Variants in SDS observed in about 807,000 individuals in gnomAD.
The protein encoded by SDS is L-serine dehydratase/L-threonine deaminase.
Under a neutral mutation model 29.3 loss-of-function variants are expected in SDS, and 19 were observed. That is an observed-to-expected ratio of 0.65 (90% CI 0.45 to 0.95). The LOEUF (loss-of-function observed/expected upper bound fraction) is 0.95. Among genes scored for constraint, SDS ranks in the 40% least tolerant of loss-of-function variants. SDS has a pLI of 0.00. For synonymous variants in SDS, 176 were observed against 189.0 expected, an observed-to-expected ratio of 0.93 and a Z score of 0.56; for missense variants, 375 against 439.9, an observed-to-expected ratio of 0.85 and a Z score of 1.32.
In SDS at chr12:113,394,066, A is replaced by T. The variant is rs201592901; in HGVS notation, c.654-50T>A. 2.4e-4 allele frequency: 384 copies of T among 1,588,494 alleles called. 1 individual carries two copies. In the African/African-American group the frequency reaches 4.9e-3, roughly 20 times the overall value. ...AGGATGGGAGTGGGGGAAACAGGAG[A>T]GAGATGGGGGCAGGGAGGGAGAGAA... On this transcript the variant is annotated intron_variant, in intron 6 of 7. Transcript: ENST00000257549.
chr12:113,402,558 G>A (rs1048278840), intron 1 of SDS, among the ~76,000 whole-genome samples: 1 of 152,208 alleles, frequency 6.6e-6, no homozygotes, highest in Non-Finnish European at 1.5e-5. Context: ...CTCCCAAAGT[G>A]CTGGGATTAC....
Position 113,397,597 on chromosome 12 carries a change from G to T in SDS, c.426-205C>A, listed in dbSNP as rs564503866. Among the ~76,000 whole-genome samples, 3 of 152,292 alleles carry T rather than the reference G, an allele frequency of 2.0e-5. No individual in the cohort carries two copies. The South Asian group carries it at 6.2e-4, about 32-fold the overall frequency. ...GAGCTACCTGCAAACAGAGTCAGGA[G>T]ATGGCAGCCCCTTAAGGCAGCCCTC... On this transcript the variant is annotated intron_variant, in intron 5 of 7. Coordinates refer to ENST00000257549, the MANE Select transcript of SDS (RefSeq NM_006843.3).
intron 7 of SDS, among the ~76,000 whole-genome samples, chr12:113,393,378 T>C (rs1453130036): frequency 6.6e-6 from 1 of 152,268 alleles, no homozygotes; most frequent in East Asian, 1.9e-4. Flanking sequence ...ATGAGTGTGG[T>C]TGCGTGAGCA....
intron 2 of SDS, 87 bp downstream of exon 2, chr12:113,399,469 C>T: frequency 7.1e-7 from 1 of 1,400,308 alleles, no homozygotes. Flanking sequence ...CCTACAACGC[C>T]TTTAATTTCA....
chr12:113,396,457 CTCTTTCTCCTTTTT>C, intron 6 of SDS, among the ~76,000 whole-genome samples: 1 of 143,136 alleles, frequency 7.0e-6, no homozygotes, highest in South Asian at 2.2e-4. Context: ...TTCTCTCTTT[CTCTTTCTCCTTTTT>C]TCTTTCTTTC....
intron 3 of SDS, 49 bp downstream of exon 3, chr12:113,399,063 G>C: frequency 1.2e-6 from 2 of 1,604,260 alleles, no homozygotes; most frequent in Non-Finnish European, 1.7e-6. Context: ...CAGAGTGTCT[G>C]ATCCCAGGAC....
chr12:113,397,858 C>A (rs1025991903), intron 5 of SDS, among the ~76,000 whole-genome samples: 2 of 152,172 alleles, frequency 1.3e-5, no homozygotes, highest in Non-Finnish European at 2.9e-5. Flanking sequence ...CCCACTCCCC[C>A]ACTGAATCAC....
chr12:113,401,223 C>A (rs1479843570), intron 1 of SDS, among the ~76,000 whole-genome samples: 1 of 151,982 alleles, frequency 6.6e-6, no homozygotes, highest in Admixed American at 6.6e-5. Context: ...AAATGCCTGA[C>A]TCATAGTAGA....
At position 113,398,734 on chromosome 12, in the gene SDS, T is replaced by C; in HGVS notation, c.306A>G (p.Glu102=). 1 of 1,614,226 alleles carries C rather than the reference T, an allele frequency of 6.2e-7. No homozygotes were observed. Among genetic ancestry groups the C allele is most frequent in the Non-Finnish European group, 8.5e-7 (1 of 1,180,028 alleles). The change falls in exon 4 of 8, where the codon GAA becomes GAG. Residue 102 remains glutamate, a synonymous_variant. Coordinates refer to ENST00000257549, the MANE Select transcript of SDS (RefSeq NM_006843.3). ...CACCCACCACCTTGACTGTGGCACC[T>C]TCATTCTTGAGGCGCTCAATGGTGA... ...PALTIERLKN[E]GATVKVVGEL...
intron 6 of SDS, 125 bp downstream of exon 6, chr12:113,397,040 G>A (rs1207194044): frequency 8.0e-6 from 7 of 878,874 alleles, no homozygotes; most frequent in Non-Finnish European, 1.2e-5. Flanking sequence ...CCCTGGGCAA[G>A]CGATCAAAGC....
intron 1 of SDS, among the ~76,000 whole-genome samples, chr12:113,401,467 A>T (rs1190458710): frequency 6.6e-6 from 1 of 152,066 alleles, no homozygotes; most frequent in East Asian, 1.9e-4. Flanking sequence ...CCTGGCCTCA[A>T]GCGTTCTGCC....
Position 113,393,152 on chromosome 12 carries a change from G to A in SDS, c.779-3C>T. 1.2e-6 allele frequency: 2 copies of A among 1,613,314 alleles called. No homozygotes were observed. The highest frequency in any genetic ancestry group is 2.2e-5 in the South Asian group (2 of 91,044). ...CTCCACCAGGATCTTCTCATCATCT[G>A]CCAGAGAAGGGGCGTGACAGGGGCG... is the stretch of plus-strand genomic sequence containing the variant. On this transcript the variant is annotated splice_polypyrimidine_tract_variant and splice_region_variant and intron_variant, in intron 7 of 7. Coordinates refer to ENST00000257549, the MANE Select transcript of SDS (RefSeq NM_006843.3).
At chr12:113,399,334 G>T in intron 2 of SDS, 183 bp from the exon 3 acceptor site, 2 of 854,378 alleles carry the variant, frequency 2.3e-6, no homozygotes, top group Non-Finnish European at 3.7e-6. Context: ...AGGAAAGGGT[G>T]GAGGAAAATA....
At chr12:113,400,403 G>T (rs959781331) in intron 1 of SDS, among the ~76,000 whole-genome samples, 11 of 151,988 alleles carry the variant, frequency 7.2e-5, no homozygotes, top group African/African-American at 2.4e-4. Flanking sequence ...AACCGAGGAG[G>T]TGGAGGTTGT....
Position 113,399,630 on chromosome 12 carries a change from C to A in SDS, c.79G>T (p.Val27Phe), listed in dbSNP as rs747689476. 1 of 1,600,616 alleles carries A rather than the reference C, an allele frequency of 6.2e-7. No individual in the cohort carries two copies. The highest frequency in any genetic ancestry group is 1.7e-5 in the Admixed American group (1 of 58,140). ...TGGGCACTGTCCATCTTGAGGTAGACGCTGGTGCCGGCCATTTTGGACAGG... is the reference window on the plus strand; with the variant it reads ...TGGGCACTGTCCATCTTGAGGTAGAAGCTGGTGCCGGCCATTTTGGACAGG... ...MALSKMAGTS[V>F]YLKMDSAQPS... is the part of the protein sequence containing the mutation. Residue 27 changes from valine to phenylalanine, a missense_variant, in exon 2 of 8, where the codon GTC becomes TTC. By Grantham distance (50) the Val-to-Phe change is conservative. Coordinates refer to ENST00000257549, the MANE Select transcript of SDS (RefSeq NM_006843.3).
intron 6 of SDS, among the ~76,000 whole-genome samples, chr12:113,395,325 C>A (rs566651343): frequency 2.0e-5 from 3 of 152,324 alleles, no homozygotes; most frequent in East Asian, 3.9e-4. Flanking sequence ...GGCGCTCAGC[C>A]ATGACGTCTT....
chr12:113,397,972 TG>T (rs1957658107), intron 5 of SDS, among the ~76,000 whole-genome samples: 1 of 152,094 alleles, frequency 6.6e-6, no homozygotes, highest in Non-Finnish European at 1.5e-5. Context: ...TGTTCAGCCT[TG>T]GGTGTGTTGC....
Position 113,393,877 on chromosome 12 carries a change from G to A in SDS, c.778+15C>T, listed in dbSNP as rs1041000123. ...TGAGTCAGCAGGTCAGGTCATGGGAGGACCTGGCACATACCCACGAACTTC... is the reference window on the plus strand; with the variant it reads ...TGAGTCAGCAGGTCAGGTCATGGGAAGACCTGGCACATACCCACGAACTTC... On this transcript the variant is annotated intron_variant, in intron 7 of 7. Transcript: ENST00000257549. The A allele has an allele frequency of 6.2e-7, 1 of 1,614,182 alleles. No homozygotes were observed. The highest frequency in any genetic ancestry group is 1.1e-5 in the South Asian group (1 of 91,080).
chr12:113,398,994 G>A, intron 3 of SDS, 118 bp downstream of exon 3: 3 of 1,543,450 alleles, frequency 1.9e-6, no homozygotes, highest in Non-Finnish European at 2.7e-6. Flanking sequence ...ATTCCAAATT[G>A]GTGGCTGCTG....
Sources: gnomAD v4.1 joint callset for allele counts (sites outside exome capture counted in the v4.1 genomes callset) on GRCh38, gnomAD v4.1.1 for gene constraint, MANE v1.5 for transcripts, NCBI Gene and HGNC (gene_info 2026-07-23, HGNC 2026-07-21) for gene names.